COMMD10: variants seen among roughly 807,000 people sequenced by gnomAD.
COMMD10 encodes COMM domain containing 10.
In COMMD10, 33 loss-of-function variants were observed where a neutral mutation model predicts 28.9. The observed-to-expected ratio is 1.14, with a 90% CI of 0.87 to 1.53. The LOEUF is 1.53. COMMD10 is among the 40% of genes most tolerant of loss of function. The pLI is 0.00. For missense variants in COMMD10, 310 were observed against 233.4 expected (o/e 1.33, Z -2.14); for synonymous variants, 110 against 81.7 (o/e 1.35, Z -1.87).
At chr5:116,272,717 G>T (rs1458278186) in intron 5 of COMMD10, among the ~76,000 whole-genome samples, 5 of 151,780 alleles carry the variant, frequency 3.3e-5, no homozygotes, top group Admixed American at 1.3e-4. Flanking sequence ...TGAAAGCTCT[G>T]TTCTTGTCTG....
At chr5:116,240,705 GACACATGAA>G (rs1207293419) in intron 5 of COMMD10, among the ~76,000 whole-genome samples, 1 of 152,168 alleles carries the variant, frequency 6.6e-6, no homozygotes, top group Non-Finnish European at 1.5e-5. Context: ...AGTGTCAAGT[GACACATGAA>G]ACTCCAGTAA....
At chr5:116,191,772 C>A (rs1167755790) in intron 5 of COMMD10, among the ~76,000 whole-genome samples, 2 of 151,928 alleles carry the variant, frequency 1.3e-5, no homozygotes, top group African/African-American at 4.8e-5. Context: ...ATTGCTGGTC[C>A]CTCTCTGCAC....
chr5:116,144,782 A>G (rs1023879247), intron 5 of COMMD10, among the ~76,000 whole-genome samples: 3 of 151,916 alleles, frequency 2.0e-5, no homozygotes, highest in African/African-American at 7.2e-5. Flanking sequence ...ACGAAAGAAT[A>G]TGAGGTGAGA....
chr5:116,254,438 G>A (rs1385716499), intron 5 of COMMD10, among the ~76,000 whole-genome samples: 2 of 151,190 alleles, frequency 1.3e-5, no homozygotes, highest in African/African-American at 4.9e-5. Context: ...GGCATTTAGT[G>A]CTATAAATTT....
chr5:116,121,494 C>T (rs1274153719), intron 4 of COMMD10, among the ~76,000 whole-genome samples: 1 of 152,154 alleles, frequency 6.6e-6, no homozygotes, highest in African/African-American at 2.4e-5. Context: ...TGGGTATATA[C>T]CCAGTAATGG....
At chr5:116,169,788 CCT>C (rs1753258078) in intron 5 of COMMD10, among the ~76,000 whole-genome samples, 1 of 152,024 alleles carries the variant, frequency 6.6e-6, no homozygotes, top group Non-Finnish European at 1.5e-5. Context: ...AAATTCAGCA[CCT>C]CTTCATGCTA....
chr5:116,245,220 C>A (rs573751473), intron 5 of COMMD10, among the ~76,000 whole-genome samples: 12 of 152,146 alleles, frequency 7.9e-5, no homozygotes, highest in African/African-American at 2.6e-4. Context: ...ATGAATACTT[C>A]CGTGCACATA....
At chr5:116,283,647 T>C in intron 5 of COMMD10, among the ~76,000 whole-genome samples, 1 of 151,822 alleles carries the variant, frequency 6.6e-6, no homozygotes, top group South Asian at 2.1e-4. Context: ...AAATAAGACC[T>C]GTTATTTTGA....
At chr5:116,221,028 C>A (rs923069025) in intron 5 of COMMD10, among the ~76,000 whole-genome samples, 2 of 151,838 alleles carry the variant, frequency 1.3e-5, no homozygotes, top group East Asian at 3.9e-4. Context: ...TTAACTGCTC[C>A]ATAGAAAACA....
chr5:116,250,976 T>TG (rs147592404), intron 5 of COMMD10, among the ~76,000 whole-genome samples: 2,511 of 152,044 alleles, frequency 0.017, 72 homozygotes, highest in African/African-American at 0.057. Context: ...TGGCTTGGGT[T>TG]GGGGGGTGCA....
chr5:116,254,629 G>A (rs1580586980), intron 5 of COMMD10, among the ~76,000 whole-genome samples: 2 of 151,738 alleles, frequency 1.3e-5, no homozygotes, highest in South Asian at 4.2e-4. Flanking sequence ...TCTTAATCCT[G>A]AGTTCTAGTT....
intron 5 of COMMD10, among the ~76,000 whole-genome samples, chr5:116,270,928 ACT>A (rs1261821513): frequency 6.6e-6 from 1 of 151,726 alleles, no homozygotes; most frequent in East Asian, 1.9e-4. Context: ...AACGAGCAAA[ACT>A]CTGTCTCAAA....
At chr5:116,100,561 C>G (rs1750627124) in intron 4 of COMMD10, among the ~76,000 whole-genome samples, 1 of 147,194 alleles carries the variant, frequency 6.8e-6, no homozygotes, top group Non-Finnish European at 1.5e-5. Flanking sequence ...TTCTCAGTAC[C>G]ATTAGTTGAA....
chr5:116,164,847 T>C (rs780355150), intron 5 of COMMD10, among the ~76,000 whole-genome samples: 21 of 152,130 alleles, frequency 1.4e-4, no homozygotes, highest in Non-Finnish European at 2.5e-4. Flanking sequence ...TGCCACTTAA[T>C]AAGCTATAAT....
At chr5:116,107,691 A>G (rs1226422716) in intron 4 of COMMD10, among the ~76,000 whole-genome samples, 1 of 152,078 alleles carries the variant, frequency 6.6e-6, no homozygotes, top group Admixed American at 6.6e-5. Flanking sequence ...TCAGTTCGTC[A>G]AACTCGTTCT....
Position 116,273,105 on chromosome 5 carries a change from A to T in COMMD10, c.511-18412A>T, listed in dbSNP as rs185381698. Among the ~76,000 whole-genome samples, 411 of 151,964 alleles carry T rather than the reference A, an allele frequency of 2.7e-3. 10 individuals carry two copies. Among genetic ancestry groups the T allele is most frequent in the African/African-American group, 9.4e-3 (390 of 41,292 alleles). On this transcript the variant is annotated intron_variant, in intron 5 of 6. Coordinates refer to ENST00000274458, the MANE Select transcript of COMMD10 (RefSeq NM_016144.4). ...ATGCTTGTTCTTGCTTCACTTTTAGAAGAATTCAGTTTGCTCTGATAGGGG... is the reference window on the plus strand; with the variant it reads ...ATGCTTGTTCTTGCTTCACTTTTAGTAGAATTCAGTTTGCTCTGATAGGGG...
At chr5:116,172,675 C>G (rs371556757) in intron 5 of COMMD10, among the ~76,000 whole-genome samples, 32 of 152,190 alleles carry the variant, frequency 2.1e-4, no homozygotes, top group African/African-American at 6.5e-4. Context: ...TCCAGGGTAT[C>G]TTTTAGAGCA....
chr5:116,210,357 C>T (rs1335559581), intron 5 of COMMD10, among the ~76,000 whole-genome samples: 2 of 151,508 alleles, frequency 1.3e-5, no homozygotes, highest in African/African-American at 2.4e-5. Context: ...CGCAAGCACA[C>T]ATATACAGGC....
chr5:116,215,416 A>C (rs1032507252), intron 5 of COMMD10, among the ~76,000 whole-genome samples: 2 of 151,870 alleles, frequency 1.3e-5, no homozygotes, highest in Non-Finnish European at 2.9e-5. Flanking sequence ...TGAAAAATTC[A>C]TGAATATTAT....
Sources: allele counts gnomAD v4.1 joint callset (sites outside exome capture counted in the v4.1 genomes callset), GRCh38; gene constraint gnomAD v4.1.1; transcripts MANE v1.5; gene names NCBI Gene and HGNC (gene_info 2026-07-23, HGNC 2026-07-21).